DLG2: variants seen among roughly 807,000 people sequenced by gnomAD.
The protein encoded by DLG2 is disks large homolog 2.
In DLG2, 45 loss-of-function variants were observed where a neutral mutation model predicts 132.5. That is an observed-to-expected ratio of 0.34 (90% confidence interval 0.27 to 0.44). DLG2 has a LOEUF of 0.44. Ranked by LOEUF, DLG2 falls within the 20% of genes least tolerant of loss-of-function variation. The pLI is 1.00. For missense variants in DLG2, 1,045 were observed against 1,196.9 expected (o/e 0.87, Z 1.87); for synonymous variants, 424 against 419.6 (o/e 1.01, Z -0.13).
intron 6 of DLG2, among the ~76,000 whole-genome samples, chr11:84,866,775 T>G (rs57962143): frequency 0.04 from 6,016 of 152,224 alleles, 403 homozygotes; most frequent in African/African-American, 0.14. Context: ...ACCATTTTTT[T>G]GAAAAAAGTG....
chr11:83,958,136 G>A (rs556788487), intron 14 of DLG2, among the ~76,000 whole-genome samples: 34 of 152,324 alleles, frequency 2.2e-4, no homozygotes, highest in African/African-American at 7.9e-4. Flanking sequence ...GGTAGAAGCT[G>A]AATATTCACT....
intron 10 of DLG2, among the ~76,000 whole-genome samples, chr11:84,089,932 G>A (rs1342563299): frequency 6.6e-6 from 1 of 152,144 alleles, no homozygotes; most frequent in East Asian, 1.9e-4. Flanking sequence ...AGGCTGTCAT[G>A]TGATAGCTCT....
chr11:85,082,464 A>G (rs990509108), intron 6 of DLG2, among the ~76,000 whole-genome samples: 3 of 152,148 alleles, frequency 2.0e-5, no homozygotes, highest in African/African-American at 7.2e-5. Context: ...ACAAGAAAGC[A>G]GAGCTTTAGA....
intron 7 of DLG2, among the ~76,000 whole-genome samples, chr11:84,329,514 A>G (rs1406650688): frequency 3.3e-5 from 5 of 152,168 alleles, no homozygotes; most frequent in African/African-American, 1.2e-4. Context: ...TGCCATGTGA[A>G]GAAGGGAATG....
chr11:84,819,587 C>G (rs1315865730), intron 6 of DLG2, among the ~76,000 whole-genome samples: 1 of 151,790 alleles, frequency 6.6e-6, no homozygotes, highest in African/African-American at 2.4e-5. Flanking sequence ...ACAATCCGAG[C>G]CTGCTGTAAT....
intron 6 of DLG2, among the ~76,000 whole-genome samples, chr11:84,680,185 T>G (rs759877622): frequency 3.9e-5 from 6 of 152,136 alleles, no homozygotes; most frequent in African/African-American, 1.2e-4. Context: ...TTCCTCCTCC[T>G]CAACAGACTT....
intron 22 of DLG2, among the ~76,000 whole-genome samples, chr11:83,474,735 G>T (rs1333104786): frequency 6.6e-6 from 1 of 152,074 alleles, no homozygotes; most frequent in South Asian, 2.1e-4. Flanking sequence ...TGAGGCCAAC[G>T]GTAGGTTCTA....
chr11:84,839,785 A>C (rs998442215), intron 6 of DLG2, among the ~76,000 whole-genome samples: 1 of 152,210 alleles, frequency 6.6e-6, no homozygotes, highest in Non-Finnish European at 1.5e-5. Flanking sequence ...CTGGCTACCC[A>C]TATGTAGAAA....
chr11:85,330,834 A>G (rs947983172), intron 3 of DLG2, among the ~76,000 whole-genome samples: 5 of 149,636 alleles, frequency 3.3e-5, no homozygotes, highest in Non-Finnish European at 7.4e-5. Flanking sequence ...TGGGATGTAA[A>G]TTTTTTTATT....
intron 4 of DLG2, among the ~76,000 whole-genome samples, chr11:85,234,358 T>C (rs1013973349): frequency 6.6e-6 from 1 of 151,972 alleles, no homozygotes; most frequent in Admixed American, 6.6e-5. Context: ...CCTAGCATTG[T>C]TGGAAAGATG....
rs118029204 is a variant in DLG2, at chr11:84,678,398, G to A, written c.358-143667C>T. Among the ~76,000 whole-genome samples the A allele has an allele frequency of 2.5e-3, 384 of 152,100 alleles. 4 individuals are homozygous for A. The East Asian group carries it at 0.057, about 23-fold the overall frequency. ...TTAGCACACCAGGGAGACAACATAC[G>A]GATCTCATTCCGCCATTAAGGAAGT... On this transcript the variant is annotated intron_variant, in intron 6 of 27. Transcript: ENST00000376104.
At chr11:83,790,628 C>A in intron 17 of DLG2, 1 of 1,283,464 alleles carries the variant, frequency 7.8e-7, no homozygotes, top group Non-Finnish European at 1.1e-6. Context: ...GATTATTTTG[C>A]ATTGGAGGTA....
In DLG2 at chr11:84,728,503, T is replaced by C. The variant is rs182124472; in HGVS notation, c.358-193772A>G. On this transcript the variant is annotated intron_variant, in intron 6 of 27. Coordinates refer to ENST00000376104, the MANE Select transcript of DLG2 (RefSeq NM_001142699.3). ...TGGATTTGGTTTGCCAGTATTTTAT[T>C]GAGGACCTTCGCATCGATGTTCATC... Among the ~76,000 whole-genome samples, 115 of 152,322 alleles carry C rather than the reference T, an allele frequency of 7.5e-4. 2 individuals carry two copies. In the Middle Eastern group the frequency reaches 0.01, roughly 14 times the overall value.
intron 6 of DLG2, among the ~76,000 whole-genome samples, chr11:84,535,012 G>A (rs527286473): frequency 9.2e-5 from 14 of 152,252 alleles, no homozygotes; most frequent in African/African-American, 3.1e-4. Context: ...TAACAAATGA[G>A]ACAGAACATT....
intron 15 of DLG2, among the ~76,000 whole-genome samples, chr11:83,913,954 G>A (rs1393030771): frequency 5.3e-5 from 8 of 152,126 alleles, no homozygotes. Context: ...AAAACCAGTG[G>A]GTAAATACTT....
At chr11:84,276,748 T>C (rs1400790908) in intron 7 of DLG2, among the ~76,000 whole-genome samples, 2 of 152,220 alleles carry the variant, frequency 1.3e-5, no homozygotes, top group African/African-American at 4.8e-5. Flanking sequence ...TAACGGTACC[T>C]TTGTATGGTG....
At chr11:84,264,250 A>G (rs893571425) in intron 7 of DLG2, among the ~76,000 whole-genome samples, 1 of 152,168 alleles carries the variant, frequency 6.6e-6, no homozygotes, top group Non-Finnish European at 1.5e-5. Flanking sequence ...CCAAGCCAAG[A>G]GCCTACAAAT....
At chr11:84,852,525 GT>G (rs2082281024) in intron 6 of DLG2, among the ~76,000 whole-genome samples, 1 of 152,020 alleles carries the variant, frequency 6.6e-6, no homozygotes, top group Non-Finnish European at 1.5e-5. Context: ...GTCAGAATTT[GT>G]GGTATGCGTT....
intron 21 of DLG2, among the ~76,000 whole-genome samples, chr11:83,526,017 A>G (rs2095600769): frequency 6.6e-6 from 1 of 152,194 alleles, no homozygotes; most frequent in Non-Finnish European, 1.5e-5. Flanking sequence ...CAATGGCCAT[A>G]TGGAAAGTTC....
Sources: gnomAD v4.1 joint callset for allele counts (sites outside exome capture counted in the v4.1 genomes callset) on GRCh38, gnomAD v4.1.1 for gene constraint, MANE v1.5 for transcripts, NCBI Gene and HGNC (gene_info 2026-07-23, HGNC 2026-07-21) for gene names.